Variants in ACVR1 observed in about 807,000 individuals in gnomAD.
ACVR1 encodes the protein activin receptor type-1.
Under a neutral mutation model 57.1 loss-of-function variants are expected in ACVR1, and 38 were observed. That is an observed-to-expected ratio of 0.67 (90% confidence interval 0.51 to 0.87). The LOEUF (loss-of-function observed/expected upper bound fraction) is 0.87. Among genes scored for constraint, ACVR1 ranks in the 40% least tolerant of loss-of-function variants. The pLI is 0.00. For missense variants in ACVR1, 463 were observed against 638.2 expected (o/e 0.73, Z 2.96); for synonymous variants, 212 against 228.1 (o/e 0.93, Z 0.63).
At chr2:157,854,782 G>C (rs1244492047) in intron 1 of ACVR1, among the ~76,000 whole-genome samples, 1 of 151,418 alleles carries the variant, frequency 6.6e-6, no homozygotes, top group Non-Finnish European at 1.5e-5. Context: ...GCTCACACCT[G>C]TAATCTCAGC....
rs889434177 is a variant in ACVR1 at position 157,780,529 on chromosome 2, G to C, written c.139C>G (p.His47Asp). Reference sequence around the variant, plus strand: ...GAAAAGCACTGCTGGCCTTCACAGTGGTCCTCATTACCGCAGGAGAGACCT... The same window carrying C: ...GAAAAGCACTGCTGGCCTTCACAGTCGTCCTCATTACCGCAGGAGAGACCT... Reference protein sequence around the residue: ...CEGLSCGNEDHCEGQQCFSSL... With the variant: ...CEGLSCGNEDDCEGQQCFSSL... The change falls in exon 4 of 11, where the codon CAC becomes GAC. Residue 47 changes from histidine to aspartate, a missense_variant. By Grantham distance (81) the His-to-Asp change is moderately conservative (BLOSUM62 -1). Around this residue, in one of 3 missense-constraint regions of ACVR1, gnomAD observed 203 missense variants for 235.5 expected, o/e 0.86. Transcript: ENST00000434821. 5 of 1,613,822 alleles carry C rather than the reference G, an allele frequency of 3.1e-6. No homozygotes were observed. The highest frequency in any genetic ancestry group is 4.2e-6 in the Non-Finnish European group (5 of 1,180,010).
intron 2 of ACVR1, among the ~76,000 whole-genome samples, chr2:157,816,548 G>A (rs2105326926): frequency 6.6e-6 from 1 of 152,108 alleles, no homozygotes; most frequent in Non-Finnish European, 1.5e-5. Context: ...AGCGTGCCAT[G>A]ATTGCATCAC....
At chr2:157,775,425 T>C (rs770093644) in intron 5 of ACVR1, among the ~76,000 whole-genome samples, 8 of 152,208 alleles carry the variant, frequency 5.3e-5, no homozygotes, top group Non-Finnish European at 1.0e-4. Context: ...GTTGCAGTAA[T>C]ATTGACTTAA....
At chr2:157,743,607 AC>A (rs1313843958) in intron 9 of ACVR1, among the ~76,000 whole-genome samples, 1 of 151,840 alleles carries the variant, frequency 6.6e-6, no homozygotes, top group African/African-American at 2.4e-5. Context: ...GTAATAGCAT[AC>A]CCTATATTTT....
chr2:157,852,033 T>A (rs1689332018), intron 1 of ACVR1, among the ~76,000 whole-genome samples: 1 of 151,672 alleles, frequency 6.6e-6, no homozygotes, highest in Non-Finnish European at 1.5e-5. Context: ...GCAAGAGCAT[T>A]GAATGTGGAT....
At chr2:157,764,126 C>A (rs1172289162) in intron 8 of ACVR1, among the ~76,000 whole-genome samples, 1 of 152,076 alleles carries the variant, frequency 6.6e-6, no homozygotes, top group Admixed American at 6.5e-5. Context: ...CTGGGCCTTA[C>A]CAGAATCCGG....
At chr2:157,844,709 C>G (rs2105358541) in intron 1 of ACVR1, among the ~76,000 whole-genome samples, 1 of 152,250 alleles carries the variant, frequency 6.6e-6, no homozygotes, top group East Asian at 1.9e-4. Context: ...CTTTTGACCT[C>G]AAGAGCTGCT....
chr2:157,817,718 G>C (rs1253646673), intron 2 of ACVR1, among the ~76,000 whole-genome samples: 1 of 152,090 alleles, frequency 6.6e-6, no homozygotes, highest in Non-Finnish European at 1.5e-5. Context: ...GAAAAAATTA[G>C]GGCCGGGCAC....
At chr2:157,809,718 C>T (rs1034939417) in intron 2 of ACVR1, among the ~76,000 whole-genome samples, 19 of 152,070 alleles carry the variant, frequency 1.2e-4, no homozygotes, top group Admixed American at 1.0e-3. Flanking sequence ...ATAGGTGATG[C>T]GCCCAAGAAC....
chr2:157,756,499 T>A (rs952953583), intron 9 of ACVR1, among the ~76,000 whole-genome samples: 9 of 152,070 alleles, frequency 5.9e-5, no homozygotes. Context: ...GCCAAGGACA[T>A]GAATAGACAA....
intron 2 of ACVR1, among the ~76,000 whole-genome samples, chr2:157,817,106 C>A (rs1227330325): frequency 1.3e-5 from 2 of 152,092 alleles, no homozygotes; most frequent in Non-Finnish European, 2.9e-5. Flanking sequence ...AATACACGAA[C>A]CTGCCAACAC....
intron 1 of ACVR1, among the ~76,000 whole-genome samples, chr2:157,830,734 A>T (rs368104922): frequency 1.8e-4 from 1 of 5,480 alleles, no homozygotes; most frequent in South Asian, 9.8e-3. Flanking sequence ...TTGTTTCACC[A>T]AAAAAAAAAA....
chr2:157,745,987 T>C (rs1684951727), intron 9 of ACVR1, among the ~76,000 whole-genome samples: 1 of 152,188 alleles, frequency 6.6e-6, no homozygotes, highest in Non-Finnish European at 1.5e-5. Context: ...CACAACTTGG[T>C]CAGCAAGGAT....
intron 9 of ACVR1, 34 bp downstream of exon 9, chr2:157,760,846 A>C: frequency 6.2e-7 from 1 of 1,605,222 alleles, no homozygotes; most frequent in East Asian, 2.2e-5. Context: ...GAGAACTTGG[A>C]TTAAGACAAT....
intron 9 of ACVR1, among the ~76,000 whole-genome samples, chr2:157,755,031 C>T (rs1685365926): frequency 3.9e-5 from 6 of 152,050 alleles, no homozygotes; most frequent in Admixed American, 3.9e-4. Context: ...TCAACAGATG[C>T]AGAAAAAGCA....
intron 9 of ACVR1, among the ~76,000 whole-genome samples, chr2:157,751,599 G>A (rs1393129034): frequency 6.6e-6 from 1 of 152,236 alleles, no homozygotes; most frequent in East Asian, 1.9e-4. Context: ...CAAACTTGGT[G>A]CTGTTGAGGG....
intron 9 of ACVR1, among the ~76,000 whole-genome samples, chr2:157,751,579 T>C (rs1685194637): frequency 1.3e-5 from 2 of 152,210 alleles, no homozygotes; most frequent in Admixed American, 6.5e-5. Context: ...GCTGGCCCAC[T>C]GCCTGGAAAC....
chr2:157,865,862 A>AGATAGATT (rs1457935943), intron 1 of ACVR1, among the ~76,000 whole-genome samples: 4 of 149,932 alleles, frequency 2.7e-5, no homozygotes, highest in South Asian at 2.1e-4. Context: ...ATAGATAGAT[A>AGATAGATT]GATTGACTGA....
At chr2:157,805,352 T>G (rs1687481191) in intron 2 of ACVR1, among the ~76,000 whole-genome samples, 1 of 152,168 alleles carries the variant, frequency 6.6e-6, no homozygotes, top group Admixed American at 6.5e-5. Flanking sequence ...TAACAATCTG[T>G]GAATTAGAAA....
Sources: allele counts gnomAD v4.1 joint callset (sites outside exome capture counted in the v4.1 genomes callset), GRCh38; gene constraint gnomAD v4.1.1; regional missense constraint gnomAD v4.1.1; transcripts MANE v1.5; gene names NCBI Gene and HGNC (gene_info 2026-07-23, HGNC 2026-07-21).